DIAPH2: variants seen among roughly 807,000 people sequenced by gnomAD.
The protein encoded by DIAPH2 is protein diaphanous homolog 2.
In DIAPH2, 35 loss-of-function variants were observed where a neutral mutation model predicts 92.7. The observed-to-expected ratio is 0.38, with a 90% confidence interval of 0.29 to 0.50. The LOEUF (loss-of-function observed/expected upper bound fraction) is 0.50. Ranked by LOEUF, DIAPH2 falls within the 20% of genes least tolerant of loss-of-function variation. DIAPH2 has a pLI of 0.94. For missense variants in DIAPH2, 701 were observed against 819.5 expected (o/e 0.86, Z 1.77); for synonymous variants, 301 against 280.4 (o/e 1.07, Z -0.73).
chrX:96,971,361 G>T (rs939955144), intron 17 of DIAPH2, among the ~76,000 whole-genome samples: 1 of 111,501 alleles, frequency 9.0e-6, no homozygotes, highest in African/African-American at 3.3e-5. Context: ...ATTAAACAAG[G>T]TTATATATTT....
chrX:96,825,009 G>A (rs2064804325), intron 4 of DIAPH2, among the ~76,000 whole-genome samples: 1 of 106,328 alleles, frequency 9.4e-6, no homozygotes, highest in Non-Finnish European at 1.9e-5. Flanking sequence ...GCATTGGCGT[G>A]ATCTCAGCTC....
chrX:97,125,052 C>T (rs2067082974), intron 21 of DIAPH2, among the ~76,000 whole-genome samples: 1 of 111,214 alleles, frequency 9.0e-6, no homozygotes. Context: ...GATTGAGACA[C>T]AGAATGAGAG....
intron 3 of DIAPH2, among the ~76,000 whole-genome samples, chrX:96,750,428 T>C (rs1224733914): frequency 1.8e-5 from 2 of 112,119 alleles, no homozygotes; most frequent in Non-Finnish European, 3.8e-5. Flanking sequence ...AATATTTTAT[T>C]GTATTTGAAA....
chrX:97,312,122 C>T (rs975695605), intron 23 of DIAPH2, among the ~76,000 whole-genome samples: 15 of 110,899 alleles, frequency 1.4e-4, no homozygotes, highest in Non-Finnish European at 2.6e-4. Context: ...GCCACCATGC[C>T]GGCCTATCAT....
chrX:96,988,678 T>C (rs1166074208), intron 17 of DIAPH2, among the ~76,000 whole-genome samples: 2 of 111,677 alleles, frequency 1.8e-5, no homozygotes, highest in African/African-American at 6.5e-5. Context: ...TGTTGGTACA[T>C]GGAAATAAAT....
At chrX:97,126,209 T>A (rs1175537989) in intron 21 of DIAPH2, among the ~76,000 whole-genome samples, 1 of 111,496 alleles carries the variant, frequency 9.0e-6, no homozygotes. Flanking sequence ...CGAAGGAGAT[T>A]TTGACCCTGT....
At chrX:96,687,335 T>C (rs2063776094) in intron 1 of DIAPH2, among the ~76,000 whole-genome samples, 2 of 112,486 alleles carry the variant, frequency 1.8e-5, no homozygotes. Flanking sequence ...ATTAATTCAG[T>C]CGCTCCAGTA....
At chrX:97,392,690 C>T (rs1012809363) in intron 25 of DIAPH2, among the ~76,000 whole-genome samples, 1 of 111,255 alleles carries the variant, frequency 9.0e-6, no homozygotes. Flanking sequence ...GTGTATAGCC[C>T]ACAGGAAAAT....
rs758082504 is a variant in DIAPH2 at position 97,394,819 on chromosome X, G to T, written c.3145+10775G>T. Among the ~76,000 whole-genome samples the T allele has an allele frequency of 3.6e-5, 4 of 111,773 alleles. No individual in the cohort carries two copies. In the East Asian group the frequency reaches 1.1e-3, roughly 31 times the overall value. ...CCACACCCTGCTGGTTGAATCTGCT[G>T]ATCCCCAGTGACATGTAATCTGTCA... On this transcript the variant is annotated intron_variant, in intron 25 of 26. Transcript: ENST00000324765.
chrX:97,115,216 A>G (rs906426775), intron 21 of DIAPH2, among the ~76,000 whole-genome samples: 1 of 111,959 alleles, frequency 8.9e-6, no homozygotes, highest in Non-Finnish European at 1.9e-5. Flanking sequence ...AAGTTTATAG[A>G]CAAAAAAATC....
intron 14 of DIAPH2, among the ~76,000 whole-genome samples, 157 bp from the exon 15 acceptor site, chrX:96,948,778 A>T (rs1365124623): frequency 1.8e-5 from 2 of 110,710 alleles, no homozygotes; most frequent in Non-Finnish European, 3.8e-5. Context: ...CTCCACTTGG[A>T]TACTTAATTG....
chrX:97,496,171 T>TTTG (rs2070756492), intron 26 of DIAPH2, among the ~76,000 whole-genome samples: 1 of 84,170 alleles, frequency 1.2e-5, no homozygotes, highest in Non-Finnish European at 2.3e-5. Flanking sequence ...TTGGTACCTT[T>TTTG]TTTTTTTTTT....
chrX:97,003,293 T>G (rs151036255), intron 17 of DIAPH2, among the ~76,000 whole-genome samples: 4,443 of 112,080 alleles, frequency 0.04, 102 homozygotes, highest in Middle Eastern at 0.088. Context: ...GATATACTGA[T>G]TTCTTTTCTT....
At chrX:97,390,695 G>T (rs747817856) in intron 25 of DIAPH2, among the ~76,000 whole-genome samples, 63 of 111,026 alleles carry the variant, frequency 5.7e-4, no homozygotes, top group Non-Finnish European at 1.1e-3. Flanking sequence ...ACCACGCCCG[G>T]CCTTGGCCTA....
intron 23 of DIAPH2, among the ~76,000 whole-genome samples, chrX:97,260,342 T>C (rs886458801): frequency 8.9e-6 from 1 of 112,302 alleles, no homozygotes; most frequent in East Asian, 2.8e-4. Flanking sequence ...TGGCAGGTGA[T>C]AAGGAAGAGA....
chrX:96,949,070 T>C (rs1365644467), intron 15 of DIAPH2, 31 bp downstream of exon 15: 1 of 986,772 alleles, frequency 1.0e-6, no homozygotes, highest in African/African-American at 1.9e-5. Flanking sequence ...CTTTGTGTCA[T>C]GTCACAATGA....
chrX:97,251,676 G>A lies in DIAPH2; in HGVS notation c.2844+3837G>A, dbSNP rs751972363. Reference sequence around the variant, plus strand: ...GACCTCAGGTGACCAGCCCACCTCAGCCTCCCAAAGTGCTGGGATTACAGG... The same window carrying A: ...GACCTCAGGTGACCAGCCCACCTCAACCTCCCAAAGTGCTGGGATTACAGG... On this transcript the variant is annotated intron_variant, in intron 23 of 26. Coordinates refer to ENST00000324765, the MANE Select transcript of DIAPH2 (RefSeq NM_006729.5). Among the ~76,000 whole-genome samples the A allele has an allele frequency of 1.4e-4, 16 of 111,836 alleles. No individual in the cohort carries two copies. In the East Asian group the frequency reaches 3.4e-3, roughly 24 times the overall value.
chrX:97,600,640 A>C lies in DIAPH2; in HGVS notation c.*1323A>C, dbSNP rs142806012. Reference sequence around the variant, plus strand: ...CTATTATTTTAAAATATGCATTGAAATAATGTGGTATAACTTCTCTGGAGT... The same window carrying C: ...CTATTATTTTAAAATATGCATTGAACTAATGTGGTATAACTTCTCTGGAGT... On this transcript the variant is annotated 3_prime_UTR_variant, in exon 27 of 27. Coordinates refer to ENST00000324765, the MANE Select transcript of DIAPH2 (RefSeq NM_006729.5). 9.8e-5 allele frequency: 11 copies of C among 112,678 alleles called. No individual in the cohort carries two copies. The East Asian group carries it at 3.0e-3, about 31-fold the overall frequency. 9.3% of individuals were successfully genotyped at this position (112,678 alleles called of 1,213,427 possible).
chrX:97,481,396 A>G, intron 26 of DIAPH2, among the ~76,000 whole-genome samples: 1 of 111,599 alleles, frequency 9.0e-6, no homozygotes. Context: ...AAGAGGAAAC[A>G]TCAGGCCTAA....
Sources: gnomAD v4.1 joint callset for allele counts (sites outside exome capture counted in the v4.1 genomes callset) on GRCh38, gnomAD v4.1.1 for gene constraint, MANE v1.5 for transcripts, NCBI Gene and HGNC (gene_info 2026-07-23, HGNC 2026-07-21) for gene names.